Variants in KCTD20 observed in about 807,000 individuals in gnomAD.
The protein encoded by KCTD20 is BTB/POZ domain-containing protein KCTD20.
KCTD20 carries 30 observed loss-of-function variants against 39.6 expected under a neutral mutation model. That is an observed-to-expected ratio of 0.76 (90% CI 0.57 to 1.03). KCTD20 has a LOEUF of 1.03. KCTD20 is among the 50% of genes least tolerant of loss of function. The pLI is 0.00. For synonymous variants in KCTD20, 162 were observed against 180.6 expected, an observed-to-expected ratio of 0.90 and a Z score of 0.83; for missense variants, 422 against 522.0, an observed-to-expected ratio of 0.81 and a Z score of 1.87.
At chr6:36,445,544 C>T (rs1455480703) in intron 1 of KCTD20, among the ~76,000 whole-genome samples, 1 of 152,136 alleles carries the variant, frequency 6.6e-6, no homozygotes, top group African/African-American at 2.4e-5. Context: ...GATCTTCCTG[C>T]CCCTCTTTGG....
Position 36,486,028 on chromosome 6 carries a change from C to T in KCTD20, c.968-855C>T, listed in dbSNP as rs576707581. 1.9e-4 allele frequency among the ~76,000 whole-genome samples: 29 copies of T among 152,200 alleles called. No individual in the cohort carries two copies. The South Asian group carries it at 5.6e-3, about 29-fold the overall frequency. ...CAAGTGGTCCTCCTGCCTCAGCCTTCCAAGTAGCAGAGACCACAGGCATGC... is the reference window on the plus strand; with the variant it reads ...CAAGTGGTCCTCCTGCCTCAGCCTTTCAAGTAGCAGAGACCACAGGCATGC... On this transcript the variant is annotated intron_variant, in intron 7 of 7. Transcript: ENST00000373731.
intron 7 of KCTD20, among the ~76,000 whole-genome samples, chr6:36,486,447 TC>T (rs572582662): frequency 1.1e-3 from 172 of 152,330 alleles, no homozygotes; most frequent in South Asian, 0.011. Context: ...TTAGGCAGCA[TC>T]TCTGTTTTTT....
At chr6:36,449,466 A>G (rs1216374396) in intron 1 of KCTD20, among the ~76,000 whole-genome samples, 1 of 152,110 alleles carries the variant, frequency 6.6e-6, no homozygotes, top group East Asian at 1.9e-4. Context: ...TTAGCTAGAC[A>G]CAGAGTGCTG....
chr6:36,445,251 G>C (rs1296550201), intron 1 of KCTD20, among the ~76,000 whole-genome samples: 1 of 120,486 alleles, frequency 8.3e-6, no homozygotes, highest in Non-Finnish European at 1.6e-5. Context: ...AACAGAGTGA[G>C]ACTCCGTCTC....
rs557618340 is a variant in KCTD20 at position 36,487,990 on chromosome 6, C to T, written c.*815C>T. 2.0e-5 allele frequency: 3 copies of T among 152,342 alleles called. No homozygotes were observed. The highest frequency in any genetic ancestry group is 7.2e-5 in the African/African-American group (3 of 41,584). The allele number at this position is 152,342 out of a possible 1,614,324, so 9.4% of individuals were successfully genotyped here. A position where few individuals can be genotyped will look rare whatever the true frequency, so the allele number is the denominator to read the frequency against. On this transcript the variant is annotated 3_prime_UTR_variant, in exon 8 of 8. Transcript: ENST00000373731. ...GTGTGAAACCATAGGTCTTAACACT[C>T]TGGAGCAGCACATTGCTGTGGATAT...
At position 36,475,022 on chromosome 6, in the gene KCTD20, CCA is replaced by C; in HGVS notation, c.397_398del (p.Gln133AspfsTer27). 6.2e-7 allele frequency: 1 copy of C among 1,614,070 alleles called. No individual in the cohort carries two copies. Among genetic ancestry groups the C allele is most frequent in the Non-Finnish European group, 8.5e-7 (1 of 1,179,988 alleles). Reference protein sequence around the residue: ...LVDGTRFVVNPQIFTAHPDTM... With the variant: ...LVDGTRFVVNXQIFTAHPDTM... The stretch of plus-strand genomic sequence containing the variant: ...AGATGGCACACGTTTTGTTGTGAAT[CCA>C]CAGATTTTCACTGCTCATCCGGATA... On this transcript the variant is annotated frameshift_variant, in exon 3 of 8. Coordinates refer to ENST00000373731, the MANE Select transcript of KCTD20 (RefSeq NM_173562.5). LOFTEE classifies it high-confidence loss of function.
chr6:36,463,013 A>G (rs1306093425), intron 1 of KCTD20, among the ~76,000 whole-genome samples: 1 of 152,200 alleles, frequency 6.6e-6, no homozygotes, highest in South Asian at 2.1e-4. Context: ...ACAATTATCT[A>G]AGCTGTGCTT....
intron 1 of KCTD20, among the ~76,000 whole-genome samples, chr6:36,456,993 G>T (rs1360553369): frequency 6.6e-6 from 1 of 152,100 alleles, no homozygotes; most frequent in Non-Finnish European, 1.5e-5. Flanking sequence ...TGTGGAGACG[G>T]GGTTTTGCCA....
chr6:36,463,698 G>T (rs1775664227), intron 1 of KCTD20, among the ~76,000 whole-genome samples: 1 of 152,100 alleles, frequency 6.6e-6, no homozygotes, highest in Non-Finnish European at 1.5e-5. Flanking sequence ...TCATCTTTGA[G>T]GAACAGCCCT....
chr6:36,490,329 G>C lies in KCTD20; in HGVS notation c.*3154G>C, dbSNP rs188597963. 1 of 152,342 alleles carries C rather than the reference G, an allele frequency of 6.6e-6. No homozygotes were observed. Among genetic ancestry groups the C allele is most frequent in the East Asian group, 1.9e-4 (1 of 5,164 alleles). 9.4% of individuals were successfully genotyped at this position (152,342 alleles called of 1,614,324 possible). A position where few individuals can be genotyped will look rare whatever the true frequency, so the allele number is the denominator to read the frequency against. ...GCCGGCAAATCACCTAAGGTCAGGA[G>C]TTCGAGACCAGCCTGGCCAACATGG... On this transcript the variant is annotated 3_prime_UTR_variant, in exon 8 of 8. Coordinates refer to ENST00000373731, the MANE Select transcript of KCTD20 (RefSeq NM_173562.5).
At chr6:36,462,757 AC>A (rs372063937) in intron 1 of KCTD20, among the ~76,000 whole-genome samples, 2 of 152,164 alleles carry the variant, frequency 1.3e-5, no homozygotes, top group African/African-American at 2.4e-5. Context: ...CTTAGGTAAT[AC>A]CCTTTTCTTC....
At chr6:36,447,807 A>G (rs992378261) in intron 1 of KCTD20, among the ~76,000 whole-genome samples, 10 of 151,610 alleles carry the variant, frequency 6.6e-5, no homozygotes, top group African/African-American at 2.4e-4. Flanking sequence ...GCTAAGCAAC[A>G]TGGCACGACT....
intron 2 of KCTD20, among the ~76,000 whole-genome samples, chr6:36,471,166 AAT>A (rs1582345259): frequency 2.0e-5 from 3 of 147,640 alleles, no homozygotes; most frequent in East Asian, 2.0e-4. Flanking sequence ...AAAAAAAAAA[AAT>A]TCTCCCTACC....
At chr6:36,479,253 C>G (rs376846359) in intron 4 of KCTD20, 30 bp downstream of exon 4, 4 of 1,475,988 alleles carry the variant, frequency 2.7e-6, no homozygotes, top group Non-Finnish European at 3.8e-6. Flanking sequence ...GTTACATTCT[C>G]TTCCTCAGGG....
intron 1 of KCTD20, among the ~76,000 whole-genome samples, chr6:36,455,594 AGTGTGT>A (rs71737281): frequency 0.025 from 3,797 of 150,424 alleles, 168 homozygotes; most frequent in African/African-American, 0.086. Flanking sequence ...TAGAACCAGT[AGTGTGT>A]GTGTGTGTGT....
At chr6:36,474,685 T>G in intron 2 of KCTD20, 104 bp from the exon 3 acceptor site, 3 of 1,085,788 alleles carry the variant, frequency 2.8e-6, no homozygotes, top group Non-Finnish European at 3.9e-6. Flanking sequence ...ATCTAAAATT[T>G]GGGGGTTTTT....
At chr6:36,444,783 C>T (rs939315998) in intron 1 of KCTD20, among the ~76,000 whole-genome samples, 6 of 152,232 alleles carry the variant, frequency 3.9e-5, no homozygotes, top group Non-Finnish European at 7.3e-5. Context: ...TGCATTCCTC[C>T]TTTGAGGCAG....
At chr6:36,478,974 G>A in intron 3 of KCTD20, 147 bp from the exon 4 acceptor site, 1 of 577,704 alleles carries the variant, frequency 1.7e-6, no homozygotes, top group Non-Finnish European at 3.1e-6. Context: ...GAGGTGTCTT[G>A]TAGGCATTGG....
chr6:36,455,413 A>G (rs1192405799), intron 1 of KCTD20, among the ~76,000 whole-genome samples: 1 of 152,162 alleles, frequency 6.6e-6, no homozygotes, highest in Admixed American at 6.5e-5. Context: ...GTCTAAAAAC[A>G]AAAACAGAAC....
Sources: allele counts gnomAD v4.1 joint callset (sites outside exome capture counted in the v4.1 genomes callset), GRCh38; gene constraint gnomAD v4.1.1; transcripts MANE v1.5; gene names NCBI Gene and HGNC (gene_info 2026-07-23, HGNC 2026-07-21).